Variants in ADAMTSL1 observed in about 807,000 individuals in gnomAD.
The protein encoded by ADAMTSL1 is ADAMTS like 1.
A neutral mutation model predicts 201.8 loss-of-function variants in ADAMTSL1; 126 were observed. The observed-to-expected ratio is 0.62, with a 90% confidence interval of 0.54 to 0.72. ADAMTSL1 has a LOEUF of 0.72. Ranked by LOEUF, ADAMTSL1 falls within the 30% of genes least tolerant of loss-of-function variation. The pLI, the probability that ADAMTSL1 is intolerant of heterozygous loss-of-function variation, is 0.00. For synonymous variants in ADAMTSL1, 1,121 were observed against 903.4 expected (o/e 1.24, Z -4.32); for missense variants, 2,679 against 2,277.8 (o/e 1.18, Z -3.59).
chr9:18,555,120 T>G (rs1821028748), intron 3 of ADAMTSL1, among the ~76,000 whole-genome samples: 1 of 151,904 alleles, frequency 6.6e-6, no homozygotes, highest in Admixed American at 6.6e-5. Flanking sequence ...TTTCTTTTCC[T>G]AGTTTATTCC....
At chr9:17,913,707 C>A in intron 1 of ADAMTSL1, among the ~76,000 whole-genome samples, 1 of 152,040 alleles carries the variant, frequency 6.6e-6, no homozygotes, top group East Asian at 1.9e-4. Flanking sequence ...CACAAAAAAC[C>A]CTTCAAAAAA....
intron 15 of ADAMTSL1, chr9:18,723,352 G>GAAATTCC: frequency 2.1e-6 from 1 of 485,126 alleles, no homozygotes. Context: ...TTCCTGTGTT[G>GAAATTCC]TAACAACACC....
At chr9:18,434,542 T>A (rs943897189) in intron 2 of ADAMTSL1, among the ~76,000 whole-genome samples, 1 of 152,156 alleles carries the variant, frequency 6.6e-6, no homozygotes, top group Non-Finnish European at 1.5e-5. Context: ...AAAGAAAATG[T>A]TCAAGAGTAA....
rs561030920 is a variant in ADAMTSL1, at chr9:18,738,604, G to C, written c.2007-14694G>C. 1.6e-4 allele frequency among the ~76,000 whole-genome samples: 24 copies of C among 152,260 alleles called. 1 individual carries two copies. In the South Asian group the frequency reaches 4.1e-3, roughly 26 times the overall value. ...TGTTCTTATTCAGAATCTAATTGCT[G>C]AGTTGCCCCCACTGTTTCTGTTTTC... On this transcript the variant is annotated intron_variant, in intron 15 of 28. Coordinates refer to ENST00000380548, the MANE Select transcript of ADAMTSL1 (RefSeq NM_001040272.6).
chr9:18,182,098 T>C (rs1187084196), intron 2 of ADAMTSL1, among the ~76,000 whole-genome samples: 2 of 130,626 alleles, frequency 1.5e-5, no homozygotes, highest in Admixed American at 9.9e-5. Context: ...TGAGAACTCA[T>C]GGACACAGGA....
intron 19 of ADAMTSL1, among the ~76,000 whole-genome samples, chr9:18,794,514 TG>T (rs1254791356): frequency 1.3e-5 from 2 of 152,182 alleles, no homozygotes; most frequent in African/African-American, 4.8e-5. Context: ...ACACAGCGGC[TG>T]TGACACAGAA....
intron 1 of ADAMTSL1, among the ~76,000 whole-genome samples, chr9:17,976,415 T>C (rs1818451012): frequency 6.6e-6 from 1 of 152,064 alleles, no homozygotes; most frequent in African/African-American, 2.4e-5. Flanking sequence ...CAGTATTTTA[T>C]AGTTTTTGGT....
At chr9:18,435,730 G>A (rs187518563) in intron 2 of ADAMTSL1, among the ~76,000 whole-genome samples, 22 of 152,298 alleles carry the variant, frequency 1.4e-4, no homozygotes, top group South Asian at 8.3e-4. Context: ...CAATCATGGC[G>A]GATGGCAAGG....
At position 18,816,720 on chromosome 9, in the gene ADAMTSL1, C is replaced by CTTTTTT. The variant is rs751791974; in HGVS notation, c.3806-366_3806-361dup. On this transcript the variant is annotated intron_variant, in intron 20 of 28. Transcript: ENST00000380548. ...GTCTTCAAACTCTTCAACCCTTGGT[C>CTTTTTT]TTTTTTTTTTTTTTTTTTTTTTTTT... Among the ~76,000 whole-genome samples, 100 of 39,758 alleles carry CTTTTTT rather than the reference C, an allele frequency of 2.5e-3. 2 individuals are homozygous for CTTTTTT. The highest frequency in any genetic ancestry group is 3.0e-3 in the Non-Finnish European group (68 of 22,540). The allele number at this position is 39,758 out of a possible 152,430, so 26.1% of individuals were successfully genotyped here. A position where few individuals can be genotyped will look rare whatever the true frequency, so the allele number is the denominator to read the frequency against.
intron 2 of ADAMTSL1, among the ~76,000 whole-genome samples, chr9:18,298,504 C>A (rs1347612021): frequency 1.8e-4 from 27 of 152,184 alleles, no homozygotes; most frequent in Non-Finnish European, 1.3e-4. Context: ...CAGGTCAGCT[C>A]AGAATATTTG....
chr9:18,079,530 A>G (rs1823384512), intron 1 of ADAMTSL1, among the ~76,000 whole-genome samples: 1 of 151,782 alleles, frequency 6.6e-6, no homozygotes, highest in Non-Finnish European at 1.5e-5. Context: ...AAACACAGAA[A>G]AATTAGCCGG....
intron 2 of ADAMTSL1, among the ~76,000 whole-genome samples, chr9:18,509,513 G>GTCTTGA (rs1194689026): frequency 6.6e-6 from 1 of 152,188 alleles, no homozygotes; most frequent in Non-Finnish European, 1.5e-5. Context: ...GACTTTGATG[G>GTCTTGA]TCTTGATCAC....
At chr9:18,598,586 C>G (rs1824422575) in intron 4 of ADAMTSL1, among the ~76,000 whole-genome samples, 1 of 152,018 alleles carries the variant, frequency 6.6e-6, no homozygotes, top group Non-Finnish European at 1.5e-5. Flanking sequence ...CAGGAACATT[C>G]CATTTACTTA....
intron 26 of ADAMTSL1, among the ~76,000 whole-genome samples, chr9:18,894,395 A>C (rs1244411652): frequency 2.1e-5 from 3 of 142,282 alleles, no homozygotes; most frequent in Non-Finnish European, 3.0e-5. Flanking sequence ...ATAGTGATCA[A>C]ATTGGCAAGT....
chr9:18,545,615 T>A (rs1820423419), intron 3 of ADAMTSL1, among the ~76,000 whole-genome samples: 1 of 152,166 alleles, frequency 6.6e-6, no homozygotes, highest in Admixed American at 6.5e-5. Context: ...ACATCTCTAA[T>A]TCCCTCTCCT....
intron 1 of ADAMTSL1, among the ~76,000 whole-genome samples, chr9:17,924,944 C>T: frequency 7.8e-6 from 1 of 127,802 alleles, no homozygotes; most frequent in East Asian, 2.5e-4. Flanking sequence ...AAAATTTTCG[C>T]AACCCACTCA....
At chr9:18,894,632 G>A (rs1220655968) in intron 26 of ADAMTSL1, among the ~76,000 whole-genome samples, 1 of 152,090 alleles carries the variant, frequency 6.6e-6, no homozygotes. Flanking sequence ...AAAAAAGAGG[G>A]TGGATTGTTG....
intron 15 of ADAMTSL1, among the ~76,000 whole-genome samples, chr9:18,748,532 G>A (rs571115992): frequency 3.9e-5 from 6 of 152,310 alleles, no homozygotes; most frequent in African/African-American, 1.2e-4. Context: ...TTCAGATCCA[G>A]TTTGTCACGA....
At chr9:18,159,457 A>G (rs67148084) in intron 1 of ADAMTSL1, among the ~76,000 whole-genome samples, 41,020 of 151,914 alleles carry the variant, frequency 0.27, 6,054 homozygotes, top group Non-Finnish European at 0.33. Flanking sequence ...GCCTAGAAAT[A>G]TATGGCTGCC....
Sources: gnomAD v4.1 joint callset for allele counts (sites outside exome capture counted in the v4.1 genomes callset) on GRCh38, gnomAD v4.1.1 for gene constraint, MANE v1.5 for transcripts, NCBI Gene and HGNC (gene_info 2026-07-23, HGNC 2026-07-21) for gene names.